Variants in TMEM200A observed in about 807,000 individuals in gnomAD.
TMEM200A encodes the protein transmembrane protein 200A, also known as two transmembrane C.
In TMEM200A, 12 loss-of-function variants were observed where a neutral mutation model predicts 24.3. The ratio of observed to expected loss-of-function variants is 0.49; its 90% CI spans 0.32 to 0.80. The LOEUF is 0.80. Ranked by LOEUF, TMEM200A falls within the 30% of genes least tolerant of loss-of-function variation. The pLI, the probability that TMEM200A is intolerant of heterozygous loss-of-function variation, is 0.04. For missense variants in TMEM200A, 545 were observed against 614.4 expected, an observed-to-expected ratio of 0.89 and a Z score of 1.19; for synonymous variants, 224 against 224.4, an observed-to-expected ratio of 1.00 and a Z score of 0.02.
chr6:130,386,048 T>C (rs1424799096), intron 2 of TMEM200A, among the ~76,000 whole-genome samples: 1 of 152,234 alleles, frequency 6.6e-6, no homozygotes, highest in African/African-American at 2.4e-5. Context: ...TGTGTATGTA[T>C]CTAGGTGTGT....
At chr6:130,402,125 C>T (rs1779103808) in intron 2 of TMEM200A, among the ~76,000 whole-genome samples, 2 of 149,378 alleles carry the variant, frequency 1.3e-5, no homozygotes, top group Non-Finnish European at 3.0e-5. Flanking sequence ...CTACAAAACT[C>T]AAAAGAATGA....
At chr6:130,403,363 G>T (rs968978096) in intron 2 of TMEM200A, among the ~76,000 whole-genome samples, 1 of 152,092 alleles carries the variant, frequency 6.6e-6, no homozygotes, top group Admixed American at 6.6e-5. Context: ...TTTAGATACT[G>T]TAATAATGAA....
At chr6:130,396,878 G>A (rs552259130) in intron 2 of TMEM200A, among the ~76,000 whole-genome samples, 97 of 152,086 alleles carry the variant, frequency 6.4e-4, no homozygotes, top group African/African-American at 2.1e-3. Context: ...TTCTTCCCCC[G>A]GCATTCCATG....
intron 2 of TMEM200A, among the ~76,000 whole-genome samples, chr6:130,431,273 A>G (rs1405823019): frequency 1.3e-5 from 2 of 152,228 alleles, no homozygotes; most frequent in African/African-American, 2.4e-5. Context: ...TGGTGTCTCC[A>G]AAAACATAGC....
chr6:130,433,913 T>C (rs1779939432), intron 2 of TMEM200A, among the ~76,000 whole-genome samples: 1 of 152,198 alleles, frequency 6.6e-6, no homozygotes, highest in Non-Finnish European at 1.5e-5. Context: ...TGGCATACCC[T>C]CATTTATGTG....
intron 2 of TMEM200A, chr6:130,437,218 G>T (rs1187212919): frequency 6.6e-6 from 1 of 152,320 alleles, no homozygotes; most frequent in Non-Finnish European, 1.5e-5. Context: ...TGAGTTGTGT[G>T]CTGGCCAAGT....
At chr6:130,377,819 T>C (rs1778497040) in intron 1 of TMEM200A, among the ~76,000 whole-genome samples, 1 of 152,194 alleles carries the variant, frequency 6.6e-6, no homozygotes, top group Non-Finnish European at 1.5e-5. Context: ...AATACATGTA[T>C]AATTTGTTGT....
chr6:130,374,014 C>T (rs1158380391), intron 1 of TMEM200A, among the ~76,000 whole-genome samples: 1 of 132,502 alleles, frequency 7.5e-6, no homozygotes, highest in African/African-American at 3.6e-5. Context: ...ATTCATTTCA[C>T]TTTTAAAAAT....
chr6:130,440,392 T>G lies in TMEM200A; in HGVS notation c.-16-15T>G. ...ATATTTACATCATCTTTTTCCTTTT[T>G]TTTTTCTTCTTCAGAGTAAAAGGCC... On this transcript the variant is annotated splice_polypyrimidine_tract_variant and intron_variant, in intron 2 of 2. Coordinates refer to ENST00000296978, the MANE Select transcript of TMEM200A (RefSeq NM_001258277.2). 1 of 1,507,524 alleles carries G rather than the reference T, an allele frequency of 6.6e-7. No individual in the cohort carries two copies. The allele number at this position is 1,507,524 out of a possible 1,614,324, so 93.4% of individuals were successfully genotyped here.
chr6:130,370,607 C>G (rs887190706), intron 1 of TMEM200A, among the ~76,000 whole-genome samples: 2 of 152,126 alleles, frequency 1.3e-5, no homozygotes, highest in African/African-American at 4.8e-5. Flanking sequence ...CAAGACAATG[C>G]GTATCCCAAA....
At chr6:130,424,052 T>TTTTC (rs1413287111) in intron 2 of TMEM200A, among the ~76,000 whole-genome samples, 1 of 152,154 alleles carries the variant, frequency 6.6e-6, no homozygotes, top group Non-Finnish European at 1.5e-5. Flanking sequence ...TTTTAAAATT[T>TTTTC]TTTCTTTAGC....
chr6:130,420,744 GAAC>G, intron 2 of TMEM200A, among the ~76,000 whole-genome samples: 1 of 152,184 alleles, frequency 6.6e-6, no homozygotes, highest in South Asian at 2.1e-4. Context: ...CAGACTGAGT[GAAC>G]AACAAAAAAC....
chr6:130,366,056 G>T lies in TMEM200A; in HGVS notation c.-549G>T, dbSNP rs1174235447. ...AGAAAACTTTTCCCCTCCCGTTCCC[G>T]GTCCCTTTTGTCTTTCTTGGACGCG... is the stretch of plus-strand genomic sequence containing the variant. On this transcript the variant is annotated 5_prime_UTR_variant, in exon 1 of 3. Transcript: ENST00000296978. The surrounding 1 kb of genome is among the most constrained non-coding windows in gnomAD (Gnocchi z 4.4). The T allele has an allele frequency of 5.7e-5, 56 of 985,522 alleles. No homozygotes were observed. The highest frequency in any genetic ancestry group is 1.1e-4 in the East Asian group (1 of 8,798). The allele number at this position is 985,522 out of a possible 1,614,324, so 61.0% of individuals were successfully genotyped here.
intron 2 of TMEM200A, among the ~76,000 whole-genome samples, chr6:130,399,019 T>C (rs576100156): frequency 7.2e-5 from 11 of 152,158 alleles, no homozygotes; most frequent in Non-Finnish European, 1.5e-4. Context: ...TGAAAATATA[T>C]TTATTTTTTT....
At position 130,422,673 on chromosome 6, in the gene TMEM200A, T is replaced by G. The variant is rs148130409; in HGVS notation, c.-16-17734T>G. ...TTTTATGTGTCTTCCTGAATGTTGT[T>G]TTGATTGTTACGGACTGCAAATTCC... is the stretch of plus-strand genomic sequence containing the variant. On this transcript the variant is annotated intron_variant, in intron 2 of 2. Transcript: ENST00000296978. Among the ~76,000 whole-genome samples the G allele has an allele frequency of 9.8e-5, 15 of 152,298 alleles. No individual in the cohort carries two copies. In the East Asian group the frequency reaches 2.5e-3, roughly 25 times the overall value.
intron 2 of TMEM200A, among the ~76,000 whole-genome samples, chr6:130,413,733 A>G (rs1425502618): frequency 6.6e-6 from 1 of 152,178 alleles, no homozygotes; most frequent in Admixed American, 6.6e-5. Context: ...TTGTGTCACA[A>G]TCCAGCTTAA....
In TMEM200A at chr6:130,397,054, A is replaced by T. The variant is rs74414378; in HGVS notation, c.-17+11818A>T. Among the ~76,000 whole-genome samples, 295 of 152,302 alleles carry T rather than the reference A, an allele frequency of 1.9e-3. 4 individuals carry two copies. The East Asian group carries it at 0.051, about 26-fold the overall frequency. On this transcript the variant is annotated intron_variant, in intron 2 of 2. Transcript: ENST00000296978. ...TGCTCTTTGCACATTTTGTCATTAA[A>T]TATATTTTTTGAATTTAATCAGATT...
At chr6:130,383,098 T>C in intron 1 of TMEM200A, 1 of 982,790 alleles carries the variant, frequency 1.0e-6, no homozygotes, top group South Asian at 4.7e-5. Flanking sequence ...CATTATTAAA[T>C]TTGTCACATT....
chr6:130,429,296 C>T (rs1225856429), intron 2 of TMEM200A, among the ~76,000 whole-genome samples: 2 of 151,940 alleles, frequency 1.3e-5, no homozygotes, highest in African/African-American at 4.8e-5. Flanking sequence ...CCGAGGTGGG[C>T]GGATCACCTG....
Sources: allele counts gnomAD v4.1 joint callset (sites outside exome capture counted in the v4.1 genomes callset), GRCh38; gene constraint gnomAD v4.1.1; non-coding constraint Gnocchi (gnomAD v3.1); transcripts MANE v1.5; gene names NCBI Gene and HGNC (gene_info 2026-07-23, HGNC 2026-07-21).